ZNF536: variants seen among roughly 807,000 people sequenced by gnomAD.
The protein encoded by ZNF536 is zinc finger protein 536.
Under a neutral mutation model 84.5 loss-of-function variants are expected in ZNF536, and 13 were observed. That is an observed-to-expected ratio of 0.15 (90% confidence interval 0.10 to 0.24). The LOEUF (loss-of-function observed/expected upper bound fraction) is 0.24. Among genes scored for constraint, ZNF536 ranks in the 10% least tolerant of loss-of-function variants. ZNF536 has a pLI of 1.00. For missense variants in ZNF536, 1,536 were observed against 1,747.5 expected (o/e 0.88, Z 2.16); for synonymous variants, 811 against 742.5 (o/e 1.09, Z -1.50).
chr19:30,481,739 A>G (rs561509830), intron 2 of ZNF536, among the ~76,000 whole-genome samples: 210 of 152,188 alleles, frequency 1.4e-3, no homozygotes, highest in African/African-American at 4.8e-3. Flanking sequence ...TAAGTTGTTT[A>G]GTGGTGATTT....
intron 1 of ZNF536, among the ~76,000 whole-genome samples, chr19:30,667,835 C>G (rs958356935): frequency 3.3e-5 from 5 of 151,878 alleles, no homozygotes; most frequent in African/African-American, 7.3e-5. Context: ...GTCCTGAGTG[C>G]TTGCAATGTG....
intron 1 of ZNF536, among the ~76,000 whole-genome samples, chr19:30,598,157 G>A (rs925590393): frequency 9.9e-5 from 15 of 152,186 alleles, no homozygotes; most frequent in African/African-American, 3.6e-4. Flanking sequence ...GCCCTGAGCC[G>A]TGTCCTCCTG....
At chr19:30,402,439 C>T (rs1162285906) in intron 1 of ZNF536, among the ~76,000 whole-genome samples, 2 of 152,074 alleles carry the variant, frequency 1.3e-5, no homozygotes, top group African/African-American at 4.8e-5. Context: ...TCTGTAACAG[C>T]ATAATACTTC....
intron 1 of ZNF536, among the ~76,000 whole-genome samples, chr19:30,261,065 G>A (rs1384398911): frequency 1.3e-5 from 2 of 152,058 alleles, no homozygotes; most frequent in Non-Finnish European, 2.9e-5. Flanking sequence ...TTGGGAGGCC[G>A]AGGCGGGCGG....
intron 1 of ZNF536, among the ~76,000 whole-genome samples, chr19:30,400,903 C>T (rs1252859101): frequency 6.6e-6 from 1 of 152,104 alleles, no homozygotes; most frequent in East Asian, 1.9e-4. Context: ...GTGAATTTTA[C>T]TTCCGGTATC....
intron 1 of ZNF536, among the ~76,000 whole-genome samples, chr19:30,646,890 T>G (rs1273830796): frequency 6.6e-6 from 1 of 152,066 alleles, no homozygotes; most frequent in East Asian, 1.9e-4. Flanking sequence ...AAAACTCAGA[T>G]CTCGGGAAAT....
chr19:30,545,381 A>G (rs138672505), intron 3 of ZNF536, among the ~76,000 whole-genome samples: 27 of 80,548 alleles, frequency 3.4e-4, no homozygotes, highest in Middle Eastern at 8.3e-3. Flanking sequence ...CCGCTCCCAT[A>G]TGTCTTTTTT....
chr19:30,288,041 A>T (rs1456837446), intron 2 of ZNF536, among the ~76,000 whole-genome samples: 2 of 152,192 alleles, frequency 1.3e-5, no homozygotes, highest in Non-Finnish European at 2.9e-5. Flanking sequence ...AAATGGAAAA[A>T]CTATGTCTAG....
intron 2 of ZNF536, among the ~76,000 whole-genome samples, chr19:30,302,805 A>G (rs1568316858): frequency 6.6e-6 from 1 of 151,982 alleles, no homozygotes; most frequent in East Asian, 1.9e-4. Flanking sequence ...GCCTGCAAGC[A>G]GAGAGCAATC....
intron 1 of ZNF536, among the ~76,000 whole-genome samples, chr19:30,434,921 G>A (rs575157728): frequency 6.6e-6 from 1 of 151,924 alleles, no homozygotes; most frequent in East Asian, 1.9e-4. Context: ...TGCTGATGCT[G>A]ATGCTGATGA....
intron 1 of ZNF536, among the ~76,000 whole-genome samples, chr19:30,658,390 C>A (rs910359188): frequency 6.6e-6 from 1 of 152,148 alleles, no homozygotes; most frequent in Admixed American, 6.5e-5. Flanking sequence ...CAGGTCATTG[C>A]CCAACCTTCA....
intron 2 of ZNF536, among the ~76,000 whole-genome samples, chr19:30,299,106 T>G (rs1415178531): frequency 6.6e-6 from 1 of 152,224 alleles, no homozygotes; most frequent in Non-Finnish European, 1.5e-5. Flanking sequence ...AAGAATCATT[T>G]GTATTTATTG....
intron 1 of ZNF536, among the ~76,000 whole-genome samples, chr19:30,656,386 C>T (rs749752148): frequency 6.6e-5 from 10 of 152,168 alleles, no homozygotes; most frequent in Non-Finnish European, 2.9e-5. Context: ...TGTGAAATCA[C>T]ATTAAAACAA....
chr19:30,708,927 T>C (rs1206916743), intron 1 of ZNF536, among the ~76,000 whole-genome samples: 1 of 152,188 alleles, frequency 6.6e-6, no homozygotes, highest in Non-Finnish European at 1.5e-5. Context: ...GGGCTCTCCA[T>C]TTATTTACTT....
At chr19:30,583,736 C>T (rs1383027979) in intron 1 of ZNF536, among the ~76,000 whole-genome samples, 2 of 152,134 alleles carry the variant, frequency 1.3e-5, no homozygotes, top group Non-Finnish European at 2.9e-5. Flanking sequence ...GTGACTAGCA[C>T]AGAGTAGGTC....
intron 2 of ZNF536, among the ~76,000 whole-genome samples, chr19:30,461,358 G>A (rs1053930061): frequency 3.3e-5 from 5 of 152,154 alleles, no homozygotes; most frequent in Middle Eastern, 3.2e-3. Context: ...CAGCAAACTC[G>A]GCTGCTGGTA....
chr19:30,560,331 T>C (rs529120036), downstream of ZNF536, among the ~76,000 whole-genome samples: 2 of 150,636 alleles, frequency 1.3e-5, no homozygotes, highest in Admixed American at 6.6e-5. Context: ...ACCTCCCCCA[T>C]AAACCATCAT....
chr19:30,485,628 C>T (rs988590658), intron 2 of ZNF536, among the ~76,000 whole-genome samples: 2 of 150,544 alleles, frequency 1.3e-5, no homozygotes, highest in Non-Finnish European at 2.9e-5. Context: ...TTTTCTTGGC[C>T]TTTTAGCAAA....
intron 1 of ZNF536, among the ~76,000 whole-genome samples, chr19:30,441,684 G>A (rs765234128): frequency 1.3e-5 from 2 of 152,212 alleles, no homozygotes; most frequent in African/African-American, 2.4e-5. Context: ...AAAAAGGAAA[G>A]ATGACAAGCT....
Sources: allele counts gnomAD v4.1 joint callset (sites outside exome capture counted in the v4.1 genomes callset), GRCh38; gene constraint gnomAD v4.1.1; transcripts MANE v1.5; gene names NCBI Gene and HGNC (gene_info 2026-07-23, HGNC 2026-07-21).